GOLGA5: variants seen among roughly 807,000 people sequenced by gnomAD.
GOLGA5 encodes the protein golgin A5.
GOLGA5 carries 50 observed loss-of-function variants against 93.5 expected under a neutral mutation model. The observed-to-expected ratio is 0.53, with a 90% CI of 0.43 to 0.68. The LOEUF (loss-of-function observed/expected upper bound fraction) is 0.68, where lower values mean the gene tolerates loss of function less well. GOLGA5 is among the 30% of genes least tolerant of loss of function. The pLI is 0.00. For synonymous variants in GOLGA5, 312 were observed against 304.5 expected (o/e 1.02, Z -0.26); for missense variants, 760 against 856.4 (o/e 0.89, Z 1.40).
At chr14:92,825,043 C>T (rs1595601309) in intron 9 of GOLGA5, among the ~76,000 whole-genome samples, 1 of 151,764 alleles carries the variant, frequency 6.6e-6, no homozygotes, top group Non-Finnish European at 1.5e-5. Flanking sequence ...TTTTTTTAAC[C>T]GTGAAAATGT....
intron 8 of GOLGA5, among the ~76,000 whole-genome samples, chr14:92,822,839 TAG>T (rs1885343459): frequency 6.6e-6 from 1 of 152,098 alleles, no homozygotes; most frequent in African/African-American, 2.4e-5. Flanking sequence ...GTATTTTTAG[TAG>T]AGACAGGGTT....
At chr14:92,819,162 C>T (rs1308170053) in intron 7 of GOLGA5, among the ~76,000 whole-genome samples, 1 of 152,144 alleles carries the variant, frequency 6.6e-6, no homozygotes, top group African/African-American at 2.4e-5. Flanking sequence ...ATATAAGTCT[C>T]CCAGTGAGCC....
rs372852973 is a variant in GOLGA5 at position 92,796,780 on chromosome 14, C to T, written c.-30-628C>T. On this transcript the variant is annotated intron_variant, in intron 1 of 12. Coordinates refer to ENST00000163416, the MANE Select transcript of GOLGA5 (RefSeq NM_005113.4). ...GGTCAGGAGATCGAGACCATCCCGG[C>T]TAACAAGGTGAAACCCCGTCTCTAC... is the stretch of plus-strand genomic sequence containing the variant. 4.9e-5 allele frequency among the ~76,000 whole-genome samples: 5 copies of T among 101,246 alleles called. No homozygotes were observed. In the East Asian group the frequency reaches 1.6e-3, roughly 32 times the overall value. The allele number at this position is 101,246 out of a possible 152,430, so 66.4% of individuals were successfully genotyped here. A position where few individuals can be genotyped will look rare whatever the true frequency, so the allele number is the denominator to read the frequency against.
Position 92,797,854 on chromosome 14 carries a change from A to T in GOLGA5, c.417A>T (p.Glu139Asp), listed in dbSNP as rs1884771042. 6.2e-7 allele frequency: 1 copy of T among 1,614,024 alleles called. No homozygotes were observed. The highest frequency in any genetic ancestry group is 1.1e-5 in the South Asian group (1 of 91,080). Residue 139 changes from glutamate to aspartate, a missense_variant, in exon 2 of 13, where the codon GAA (glutamate) becomes GAT (aspartate). Glu to Asp is a conservative substitution (Grantham distance 45). Coordinates refer to ENST00000163416, the MANE Select transcript of GOLGA5 (RefSeq NM_005113.4). ...AGAAGGAGCCTACCGGGAGGGTGGA[A>T]ATCAGAAAGGAAAAAGGCAAGACAC... The part of the protein sequence containing the change: ...SSQKEPTGRV[E>D]IRKEKGKTPV...
chr14:92,820,088 G>A (rs546994230), intron 8 of GOLGA5, among the ~76,000 whole-genome samples: 2,359 of 152,250 alleles, frequency 0.015, 53 homozygotes, highest in African/African-American at 0.05. Flanking sequence ...AAGAACAGTG[G>A]GCCCAGGAGA....
intron 2 of GOLGA5, among the ~76,000 whole-genome samples, chr14:92,800,442 G>A (rs1380094921): frequency 1.3e-5 from 2 of 152,190 alleles, no homozygotes; most frequent in African/African-American, 2.4e-5. Context: ...TAACAAAGTT[G>A]GAAACACTGA....
intron 8 of GOLGA5, among the ~76,000 whole-genome samples, chr14:92,820,526 C>A (rs936616741): frequency 2.6e-5 from 4 of 152,218 alleles, no homozygotes; most frequent in African/African-American, 9.6e-5. Flanking sequence ...AAGAGGCCTT[C>A]CTCTTTTACT....
intron 8 of GOLGA5, among the ~76,000 whole-genome samples, chr14:92,823,581 A>G (rs1326511377): frequency 1.3e-5 from 2 of 151,258 alleles, no homozygotes; most frequent in Non-Finnish European, 2.9e-5. Context: ...AGCCTGGCTA[A>G]TTTTTTTATA....
Position 92,807,801 on chromosome 14 carries a change from G to A in GOLGA5, c.772+838G>A, listed in dbSNP as rs1484442205. 9.7e-5 allele frequency among the ~76,000 whole-genome samples: 9 copies of A among 92,562 alleles called. 1 individual carries two copies. Among genetic ancestry groups the A allele is most frequent in the Non-Finnish European group, 4.1e-5 (2 of 48,896 alleles). 60.7% of individuals were successfully genotyped at this position (92,562 alleles called of 152,430 possible). ...GACTGAGGAAGATGTGAATGTTATT[G>A]TAAGTGTGGCTGAGAAGAAAACGAG... is the stretch of plus-strand genomic sequence containing the variant. On this transcript the variant is annotated intron_variant, in intron 3 of 12. Transcript: ENST00000163416.
chr14:92,803,828 C>G (rs1423151835), intron 2 of GOLGA5, among the ~76,000 whole-genome samples: 2 of 152,188 alleles, frequency 1.3e-5, no homozygotes, highest in Non-Finnish European at 1.5e-5. Context: ...TGGCACTGCA[C>G]TAAATGCCTG....
At chr14:92,833,629 C>T (rs1489429353) in intron 10 of GOLGA5, among the ~76,000 whole-genome samples, 1 of 152,156 alleles carries the variant, frequency 6.6e-6, no homozygotes, top group Non-Finnish European at 1.5e-5. Context: ...GCGAGGAATT[C>T]AGTAGAGAGG....
rs564584719 is a variant in GOLGA5 at position 92,799,070 on chromosome 14, C to T, written c.544+1089C>T. 2.6e-5 allele frequency among the ~76,000 whole-genome samples: 4 copies of T among 152,180 alleles called. No homozygotes were observed. In the East Asian group the frequency reaches 7.7e-4, roughly 29 times the overall value. On this transcript the variant is annotated intron_variant, in intron 2 of 12. Transcript: ENST00000163416. The stretch of plus-strand genomic sequence containing the variant: ...TACCTTTGACCTCCCCAGGCTCAAG[C>T]GATCCTCCTGCCTCAGCCTCCTGAG...
Position 92,818,807 on chromosome 14 carries a change from T to C in GOLGA5, c.1492-901T>C, listed in dbSNP as rs149964473. On this transcript the variant is annotated intron_variant, in intron 7 of 12. Coordinates refer to ENST00000163416, the MANE Select transcript of GOLGA5 (RefSeq NM_005113.4). ...CTGTTGTGCCATATGAATGGACTCA[T>C]GCTTAATCCATTTGGGGAAAATATA... Among the ~76,000 whole-genome samples the C allele has an allele frequency of 3.3e-3, 496 of 152,352 alleles. 1 individual carries two copies. The highest frequency in any genetic ancestry group is 0.011 in the African/African-American group (465 of 41,584).
chr14:92,834,184 C>CTTTTTTTTTTTTTTTTTTTTT (rs35449807), intron 10 of GOLGA5, among the ~76,000 whole-genome samples: 1 of 135,064 alleles, frequency 7.4e-6, no homozygotes. Flanking sequence ...TAGGTTTCAC[C>CTTTTTTTTTTTTTTTTTTTTT]TTTTTTTTTT....
intron 6 of GOLGA5, among the ~76,000 whole-genome samples, chr14:92,813,423 C>T (rs1028488921): frequency 2.0e-5 from 3 of 152,250 alleles, no homozygotes; most frequent in African/African-American, 7.2e-5. Flanking sequence ...TGTCAAAGAT[C>T]ACTGGACTGA....
At position 92,816,310 on chromosome 14, in the gene GOLGA5, C is replaced by T; in HGVS notation, c.1380C>T (p.Ser460=). The change falls in exon 7 of 13, where the codon AGC becomes AGT. Residue 460 remains serine (S), a synonymous_variant. Coordinates refer to ENST00000163416, the MANE Select transcript of GOLGA5 (RefSeq NM_005113.4). ...GCTCTGGTTTTGAAGGCCTAGATAG[C>T]AGCACTGCCAGTAGCATGGAGCTGG... ...KEGSGFEGLD[S]STASSMELEE... The T allele has an allele frequency of 6.2e-7, 1 of 1,613,594 alleles. No individual in the cohort carries two copies.
Position 92,833,295 on chromosome 14 carries a change from A to AAGT in GOLGA5, c.1901_1903dup (p.Ser634dup). On this transcript the variant is annotated inframe_insertion, in exon 10 of 13. Transcript: ENST00000163416. ...AACAGCAGATGAACTCCGCCTCTGG[A>AAGT]AGTAGTAGTAATGGGTCTTCGATTA... The AAGT allele has an allele frequency of 6.2e-7, 1 of 1,613,718 alleles. No homozygotes were observed. The highest frequency in any genetic ancestry group is 2.2e-5 in the East Asian group (1 of 44,876).
intron 1 of GOLGA5, among the ~76,000 whole-genome samples, chr14:92,795,538 C>T (rs534631742): frequency 1.3e-5 from 2 of 152,266 alleles, no homozygotes; most frequent in South Asian, 4.2e-4. Context: ...TACCACATAA[C>T]GTGGCTGTGA....
chr14:92,824,452 A>T lies in GOLGA5; in HGVS notation c.1621-94A>T, dbSNP rs1373025747. 3 of 670,218 alleles carry T rather than the reference A, an allele frequency of 4.5e-6. No homozygotes were observed. The African/African-American group carries it at 5.4e-5, about 12-fold the overall frequency. 41.5% of individuals were successfully genotyped at this position (670,218 alleles called of 1,614,324 possible). ...GGAGTTACATGTTCAGCACATACTG[A>T]TTGTCTACCATGTGCCAGGCACTGA... On this transcript the variant is annotated intron_variant, in intron 8 of 12. Transcript: ENST00000163416.
Sources: allele counts gnomAD v4.1 joint callset (sites outside exome capture counted in the v4.1 genomes callset), GRCh38; gene constraint gnomAD v4.1.1; transcripts MANE v1.5; gene names NCBI Gene and HGNC (gene_info 2026-07-23, HGNC 2026-07-21).